Variants in JPT2 observed in about 807,000 individuals in gnomAD.
The protein encoded by JPT2 is CRAMP_1 like.
In JPT2, 9 loss-of-function variants were observed where a neutral mutation model predicts 15.9. That is an observed-to-expected ratio of 0.57 (90% CI 0.34 to 0.99). The LOEUF (loss-of-function observed/expected upper bound fraction) is 0.99, where lower values mean the gene tolerates loss of function less well. Among genes scored for constraint, JPT2 ranks in the 50% least tolerant of loss-of-function variants. The pLI, the probability that JPT2 is intolerant of heterozygous loss-of-function variation, is 0.02. For missense variants in JPT2, 267 were observed against 252.1 expected (o/e 1.06, Z -0.40); for synonymous variants, 95 against 91.7 (o/e 1.04, Z -0.21).
At chr16:1,683,632 A>C (rs1420117499) in intron 1 of JPT2, 2 of 1,434,090 alleles carry the variant, frequency 1.4e-6, no homozygotes, top group Non-Finnish European at 1.9e-6. Flanking sequence ...TACAGTAGCC[A>C]GCCCGTGGGT....
rs768986629 is a variant in JPT2, at chr16:1,699,022, G to C, written c.*24G>C. The C allele has an allele frequency of 6.2e-7, 1 of 1,609,974 alleles. No individual in the cohort carries two copies. The highest frequency in any genetic ancestry group is 1.1e-5 in the South Asian group (1 of 91,032). Reference sequence around the variant, plus strand: ...AAGAGAAGCCACTGCTCCACCCGGAGCCAGACCAGAAACTCAAGAGATAGG... The same window carrying C: ...AAGAGAAGCCACTGCTCCACCCGGACCCAGACCAGAAACTCAAGAGATAGG... On this transcript the variant is annotated 3_prime_UTR_variant, in exon 5 of 5. Transcript: ENST00000248098.
At chr16:1,685,386 T>G in intron 1 of JPT2, 53 bp from the exon 2 acceptor site, 1 of 1,593,234 alleles carries the variant, frequency 6.3e-7, no homozygotes, top group Non-Finnish European at 8.6e-7. Flanking sequence ...CCTTGCACAG[T>G]GACAAGCTTT....
intron 1 of JPT2, chr16:1,680,214 G>A (rs1490533980): frequency 3.8e-6 from 2 of 523,188 alleles, no homozygotes; most frequent in African/African-American, 2.1e-5. Context: ...GGGAGGGACT[G>A]CATCCCCAGC....
At chr16:1,687,063 G>C (rs1261204092) in intron 2 of JPT2, among the ~76,000 whole-genome samples, 2 of 152,234 alleles carry the variant, frequency 1.3e-5, no homozygotes, top group Non-Finnish European at 2.9e-5. Context: ...ACTCACTGCA[G>C]CCTTGACTTC....
rs573077414 is a variant in JPT2, at chr16:1,700,072, A to G, written c.*1074A>G. 7 of 442,956 alleles carry G rather than the reference A, an allele frequency of 1.6e-5. No homozygotes were observed. The highest frequency in any genetic ancestry group is 1.4e-4 in the African/African-American group (7 of 49,722). The allele number at this position is 442,956 out of a possible 1,614,324, so 27.4% of individuals were successfully genotyped here. ...TCTGGTCTGTTTCTGACACCTTTCCAGAAAAAAGTCAATTGTTCAGGTACA... is the reference window on the plus strand; with the variant it reads ...TCTGGTCTGTTTCTGACACCTTTCCGGAAAAAAGTCAATTGTTCAGGTACA... On this transcript the variant is annotated 3_prime_UTR_variant, in exon 5 of 5. Coordinates refer to ENST00000248098, the MANE Select transcript of JPT2 (RefSeq NM_144570.3).
Position 1,699,824 on chromosome 16 carries a change from T to G in JPT2, c.*826T>G, listed in dbSNP as rs1364499374. ...CAGTTCCCTTCACAAGTCACAGTTC[T>G]TCCCATAAATGAGGCCCGCTGACCT... On this transcript the variant is annotated 3_prime_UTR_variant, in exon 5 of 5. Coordinates refer to ENST00000248098, the MANE Select transcript of JPT2 (RefSeq NM_144570.3). The G allele has an allele frequency of 2.0e-5, 5 of 256,088 alleles. No individual in the cohort carries two copies. Among genetic ancestry groups the G allele is most frequent in the African/African-American group, 1.1e-4 (5 of 45,512 alleles). 15.9% of individuals were successfully genotyped at this position (256,088 alleles called of 1,614,324 possible).
intron 1 of JPT2, among the ~76,000 whole-genome samples, chr16:1,680,797 T>C (rs2037016637): frequency 6.6e-6 from 1 of 152,202 alleles, no homozygotes; most frequent in African/African-American, 2.4e-5. Context: ...TTGTAAGGAA[T>C]TTAATCCAAG....
At chr16:1,695,714 A>G (rs1345159252) in intron 3 of JPT2, among the ~76,000 whole-genome samples, 1 of 151,928 alleles carries the variant, frequency 6.6e-6, no homozygotes, top group Admixed American at 6.6e-5. Context: ...CCACAAAAAT[A>G]CAAAAAATTA....
chr16:1,698,362 A>G lies in JPT2; in HGVS notation c.386-449A>G, dbSNP rs1329951215. On this transcript the variant is annotated intron_variant, in intron 4 of 4. Coordinates refer to ENST00000248098, the MANE Select transcript of JPT2 (RefSeq NM_144570.3). This position sits in a 1 kb window ranked among gnomAD's most constrained non-coding sequence, Gnocchi z 4.9. The stretch of plus-strand genomic sequence containing the variant: ...TTTGGGTCTCCATTTCCCTTAACTA[A>G]TGACCAAGATTTGTGGGATTTCATT... Among the ~76,000 whole-genome samples the G allele has an allele frequency of 6.6e-6, 1 of 152,186 alleles. No individual in the cohort carries two copies. The highest frequency in any genetic ancestry group is 2.4e-5 in the African/African-American group (1 of 41,454).
chr16:1,678,545 G>A (rs144875169), intron 1 of JPT2, among the ~76,000 whole-genome samples, 189 bp downstream of exon 1: 2,723 of 152,230 alleles, frequency 0.018, 97 homozygotes, highest in African/African-American at 0.062. Context: ...AGCCCGAGGG[G>A]CCGCTCGCTG....
Position 1,699,200 on chromosome 16 carries a change from T to A in JPT2, c.*202T>A. ...TGGCTGGGAGATGCCTCTGTGGGGA[T>A]GAAATGGGGCACCCCTGGCCATCAC... On this transcript the variant is annotated 3_prime_UTR_variant, in exon 5 of 5. Transcript: ENST00000248098. 1.4e-6 allele frequency: 1 copy of A among 694,476 alleles called. No individual in the cohort carries two copies. Among genetic ancestry groups the A allele is most frequent in the Non-Finnish European group, 2.6e-6 (1 of 383,094 alleles). The allele number at this position is 694,476 out of a possible 1,614,324, so 43.0% of individuals were successfully genotyped here.
At position 1,697,514 on chromosome 16, in the gene JPT2, C is replaced by CAA. The variant is rs111429583; in HGVS notation, c.337-283_337-282dup. ...AATGACTGAACAAGACTCTTGTCTC[C>CAA]AAAAAAAAAAAAAAAATTGACTTTG... is the stretch of plus-strand genomic sequence containing the variant. On this transcript the variant is annotated intron_variant, in intron 3 of 4. Transcript: ENST00000248098. 1.9e-3 allele frequency among the ~76,000 whole-genome samples: 218 copies of CAA among 115,824 alleles called. 2 individuals carry two copies. The highest frequency in any genetic ancestry group is 5.8e-3 in the African/African-American group (185 of 32,048). The allele number at this position is 115,824 out of a possible 152,430, so 76.0% of individuals were successfully genotyped here.
At chr16:1,687,356 G>C (rs2037074252) in intron 2 of JPT2, among the ~76,000 whole-genome samples, 1 of 152,144 alleles carries the variant, frequency 6.6e-6, no homozygotes, top group Non-Finnish European at 1.5e-5. Context: ...AGAAATGAGT[G>C]TTTCTTATTA....
Position 1,699,452 on chromosome 16 carries a change from C to A in JPT2, c.*454C>A. On this transcript the variant is annotated 3_prime_UTR_variant, in exon 5 of 5. Transcript: ENST00000248098. ...AGAACCGCTTCCATTCTGGAGATCA[C>A]GGCTGCTAAATCCAGCATCCCCACT... 2.8e-6 allele frequency: 1 copy of A among 355,454 alleles called. No homozygotes were observed. The highest frequency in any genetic ancestry group is 5.6e-6 in the Non-Finnish European group (1 of 177,882). The allele number at this position is 355,454 out of a possible 1,614,324, so 22.0% of individuals were successfully genotyped here. A position where few individuals can be genotyped will look rare whatever the true frequency, so the allele number is the denominator to read the frequency against.
chr16:1,682,874 A>G (rs533302326), intron 1 of JPT2, among the ~76,000 whole-genome samples: 50 of 152,212 alleles, frequency 3.3e-4, no homozygotes, highest in African/African-American at 1.2e-3. Flanking sequence ...CAGTGATGCA[A>G]TCATGGTTCA....
intron 2 of JPT2, 23 bp from the exon 3 acceptor site, chr16:1,691,820 G>A (rs1567470909): frequency 6.2e-7 from 1 of 1,608,362 alleles, no homozygotes; most frequent in Non-Finnish European, 8.5e-7. Context: ...TGGTTGCTCA[G>A]TGTTCTGTGA....
intron 3 of JPT2, among the ~76,000 whole-genome samples, chr16:1,694,626 T>G (rs1052738826): frequency 1.3e-5 from 2 of 151,952 alleles, no homozygotes; most frequent in African/African-American, 4.8e-5. Flanking sequence ...GGCACTGGCA[T>G]GAAGACAGAC....
chr16:1,679,698 A>G (rs2037005092), intron 1 of JPT2, among the ~76,000 whole-genome samples: 1 of 149,180 alleles, frequency 6.7e-6, no homozygotes, highest in Non-Finnish European at 1.5e-5. Flanking sequence ...CTCCGTCTCA[A>G]AAAAAAAAAA....
intron 1 of JPT2, among the ~76,000 whole-genome samples, chr16:1,681,325 C>T (rs568035343): frequency 1.6e-4 from 25 of 152,334 alleles, no homozygotes; most frequent in African/African-American, 5.1e-4. Flanking sequence ...CCGAGATAGC[C>T]GCTGCCCCTT....
Sources: gnomAD v4.1 joint callset for allele counts (sites outside exome capture counted in the v4.1 genomes callset) on GRCh38, gnomAD v4.1.1 for gene constraint, Gnocchi (gnomAD v3.1) non-coding constraint, MANE v1.5 for transcripts, NCBI Gene and HGNC (gene_info 2026-07-23, HGNC 2026-07-21) for gene names.